Variants in NEK1 observed in about 807,000 individuals in gnomAD.
NEK1 encodes the protein NIMA related kinase 1.
Under a neutral mutation model 182.1 loss-of-function variants are expected in NEK1, and 137 were observed. The observed-to-expected ratio is 0.75, with a 90% CI of 0.65 to 0.87. NEK1 has a LOEUF of 0.87. NEK1 is among the 40% of genes least tolerant of loss of function. The pLI is 0.00. For synonymous variants in NEK1, 513 were observed against 492.2 expected (o/e 1.04, Z -0.56); for missense variants, 1,391 against 1,494.4 (o/e 0.93, Z 1.14).
chr4:169,482,637 A>AC (rs1748266826), intron 23 of NEK1, among the ~76,000 whole-genome samples: 1 of 145,316 alleles, frequency 6.9e-6, no homozygotes. Flanking sequence ...CTGGAGTAGA[A>AC]CTTTTTTTTT....
chr4:169,446,709 T>G (rs1367686621), intron 27 of NEK1, among the ~76,000 whole-genome samples: 1 of 151,844 alleles, frequency 6.6e-6, no homozygotes, highest in African/African-American at 2.4e-5. Context: ...ACAAAAAGAT[T>G]GAAATAATTA....
At chr4:169,495,404 C>T (rs1003511860) in intron 23 of NEK1, among the ~76,000 whole-genome samples, 3 of 151,910 alleles carry the variant, frequency 2.0e-5, no homozygotes, top group African/African-American at 7.3e-5. Context: ...CCACCATGAC[C>T]AGCTAATTTT....
At chr4:169,559,337 T>C (rs1762575103) in intron 16 of NEK1, among the ~76,000 whole-genome samples, 1 of 152,176 alleles carries the variant, frequency 6.6e-6, no homozygotes, top group South Asian at 2.1e-4. Flanking sequence ...AGGTAAGATG[T>C]GAGGTTAGTT....
chr4:169,416,660 A>T (rs13139185), intron 31 of NEK1, among the ~76,000 whole-genome samples: 133,469 of 152,226 alleles, frequency 0.88, 58,640 homozygotes, highest in Middle Eastern at 0.94. Flanking sequence ...TTCCAGCACT[A>T]TTGAGAGGTC....
chr4:169,474,748 A>T (rs1052210928), intron 26 of NEK1, among the ~76,000 whole-genome samples: 1 of 152,192 alleles, frequency 6.6e-6, no homozygotes, highest in Non-Finnish European at 1.5e-5. Context: ...CTCTTTGAAC[A>T]GTTTCACATA....
intron 5 of NEK1, among the ~76,000 whole-genome samples, chr4:169,597,999 TTAATG>T (rs1769851150): frequency 6.6e-6 from 1 of 152,106 alleles, no homozygotes; most frequent in Admixed American, 6.6e-5. Context: ...TGTGTGTGTC[TTAATG>T]TATATATGTA....
At chr4:169,402,313 C>T (rs1731824611) in intron 32 of NEK1, among the ~76,000 whole-genome samples, 1 of 152,140 alleles carries the variant, frequency 6.6e-6, no homozygotes, top group Non-Finnish European at 1.5e-5. Context: ...AGACACTATA[C>T]AAAAGGCTTT....
At chr4:169,540,508 C>T (rs1759229703) in intron 18 of NEK1, among the ~76,000 whole-genome samples, 1 of 152,076 alleles carries the variant, frequency 6.6e-6, no homozygotes, top group Non-Finnish European at 1.5e-5. Flanking sequence ...GTATAAAGTA[C>T]GCTTGTGCTG....
At chr4:169,500,690 A>G (rs572658865) in intron 23 of NEK1, among the ~76,000 whole-genome samples, 6 of 152,348 alleles carry the variant, frequency 3.9e-5, no homozygotes, top group African/African-American at 1.4e-4. Flanking sequence ...GGAGAAATAA[A>G]GTTTTTCCCA....
chr4:169,467,553 A>G (rs1420305858), intron 26 of NEK1, among the ~76,000 whole-genome samples: 1 of 152,152 alleles, frequency 6.6e-6, no homozygotes, highest in Non-Finnish European at 1.5e-5. Flanking sequence ...AAAGGAAAGA[A>G]AGCATAGATG....
chr4:169,569,367 T>C (rs558306903), intron 12 of NEK1, among the ~76,000 whole-genome samples: 84 of 152,224 alleles, frequency 5.5e-4, no homozygotes, highest in African/African-American at 1.9e-3. Context: ...AATGATCAAA[T>C]AAGAGTAACT....
At chr4:169,600,381 G>C (rs560428909) in intron 4 of NEK1, among the ~76,000 whole-genome samples, 2 of 151,870 alleles carry the variant, frequency 1.3e-5, no homozygotes, top group Admixed American at 6.6e-5. Flanking sequence ...GTAGAGATGG[G>C]GTCTACAAAC....
In NEK1 at chr4:169,508,292, A is replaced by T. The variant is rs776098853; in HGVS notation, c.1789T>A (p.Phe597Ile). ...ARLRQIRLQN[F>I]NERQQIKAKL... Reference sequence around the variant, plus strand: ...GCTTTAATCTGTTGGCGCTCATTGAAATTCTGTAGTCTTATTTGCCTCAGT... The same window carrying T: ...GCTTTAATCTGTTGGCGCTCATTGATATTCTGTAGTCTTATTTGCCTCAGT... Residue 597 changes from phenylalanine (F) to isoleucine (I), a missense_variant, in exon 21 of 36, where the codon TTC becomes ATC. Transcript: ENST00000507142. The T allele has an allele frequency of 7.5e-5, 119 of 1,593,666 alleles. 1 individual carries two copies. In the Middle Eastern group the frequency reaches 8.3e-4, roughly 11 times the overall value.
intron 18 of NEK1, among the ~76,000 whole-genome samples, chr4:169,542,952 A>T (rs894288188): frequency 1.3e-5 from 2 of 152,062 alleles, no homozygotes; most frequent in Non-Finnish European, 2.9e-5. Context: ...GTTCACTCTG[A>T]TGATAGTTGC....
intron 19 of NEK1, among the ~76,000 whole-genome samples, chr4:169,534,267 T>C (rs772108065): frequency 6.6e-5 from 10 of 151,640 alleles, no homozygotes; most frequent in Non-Finnish European, 1.5e-4. Context: ...CACAGGAGAG[T>C]GATCCTTGAG....
intron 35 of NEK1, among the ~76,000 whole-genome samples, chr4:169,399,923 C>T (rs1374135096): frequency 6.6e-6 from 1 of 152,152 alleles, no homozygotes; most frequent in Non-Finnish European, 1.5e-5. Flanking sequence ...CGGCACCCGG[C>T]TAGGATTATT....
chr4:169,458,827 CA>C (rs201340623), intron 27 of NEK1, among the ~76,000 whole-genome samples: 33,801 of 90,150 alleles, frequency 0.37, 5,380 homozygotes, highest in African/African-American at 0.59. Flanking sequence ...GACCCCATCT[CA>C]AAAAAAAAAA....
At chr4:169,479,359 A>G (rs751759888) in intron 24 of NEK1, 44 bp downstream of exon 24, 1 of 1,555,550 alleles carries the variant, frequency 6.4e-7, no homozygotes, top group South Asian at 1.2e-5. Context: ...TTCCTTTTAA[A>G]TAATCTTTTG....
intron 5 of NEK1, among the ~76,000 whole-genome samples, chr4:169,594,617 T>C (rs1769119416): frequency 6.6e-6 from 1 of 152,190 alleles, no homozygotes; most frequent in Admixed American, 6.5e-5. Flanking sequence ...TCATCTACAT[T>C]TTACAATATT....
Sources: gnomAD v4.1 joint callset for allele counts (sites outside exome capture counted in the v4.1 genomes callset) on GRCh38, gnomAD v4.1.1 for gene constraint, MANE v1.5 for transcripts, NCBI Gene and HGNC (gene_info 2026-07-23, HGNC 2026-07-21) for gene names.